The following SEC23IP variants were observed in gnomAD, a reference collection of about 807,000 sequenced individuals.
SEC23IP encodes the protein SEC23 interacting protein.
A neutral mutation model predicts 113.4 loss-of-function variants in SEC23IP; 70 were observed. The observed-to-expected ratio is 0.62, with a 90% CI of 0.51 to 0.75. The LOEUF (loss-of-function observed/expected upper bound fraction) is 0.75. SEC23IP is among the 30% of genes least tolerant of loss of function. SEC23IP has a pLI of 0.00. For synonymous variants in SEC23IP, 398 were observed against 421.0 expected (o/e 0.95, Z 0.67); for missense variants, 1,160 against 1,204.9 (o/e 0.96, Z 0.55).
At chr10:119,902,280 C>T (rs531937055) in intron 2 of SEC23IP, among the ~76,000 whole-genome samples, 8 of 152,214 alleles carry the variant, frequency 5.3e-5, no homozygotes, top group South Asian at 2.1e-4. Flanking sequence ...CGCTTGAACT[C>T]GGGAGACGGA....
At chr10:119,893,497 T>C (rs529187294) in intron 1 of SEC23IP, among the ~76,000 whole-genome samples, 2 of 150,916 alleles carry the variant, frequency 1.3e-5, no homozygotes, top group East Asian at 2.0e-4. Flanking sequence ...AGTAGACATA[T>C]ACAATGCATT....
intron 13 of SEC23IP, among the ~76,000 whole-genome samples, chr10:119,927,532 A>G (rs1166105055): frequency 2.0e-5 from 3 of 152,088 alleles, no homozygotes; most frequent in Non-Finnish European, 4.4e-5. Flanking sequence ...TCTATGTCAT[A>G]TTCTCCTTAT....
At chr10:119,910,091 C>T (rs952758068) in intron 5 of SEC23IP, among the ~76,000 whole-genome samples, 3 of 152,066 alleles carry the variant, frequency 2.0e-5, no homozygotes, top group East Asian at 3.9e-4. Context: ...GCTCTGCCAC[C>T]GTGGTGTGAA....
intron 1 of SEC23IP, among the ~76,000 whole-genome samples, chr10:119,895,035 C>A (rs1191646432): frequency 6.6e-6 from 1 of 151,928 alleles, no homozygotes; most frequent in Non-Finnish European, 1.5e-5. Context: ...TCCCTGGAAG[C>A]AACAGTTAAT....
chr10:119,939,461 A>G (rs1855894953), intron 18 of SEC23IP, among the ~76,000 whole-genome samples: 1 of 152,162 alleles, frequency 6.6e-6, no homozygotes, highest in Non-Finnish European at 1.5e-5. Context: ...GCGGATCACA[A>G]GGTCAGGAGT....
At chr10:119,919,818 A>AAT (rs1855187991) in intron 11 of SEC23IP, among the ~76,000 whole-genome samples, 1 of 152,236 alleles carries the variant, frequency 6.6e-6, no homozygotes, top group Non-Finnish European at 1.5e-5. Context: ...ATTGTATAAC[A>AAT]GTAGACACCA....
intron 18 of SEC23IP, among the ~76,000 whole-genome samples, chr10:119,936,378 G>A (rs771831312): frequency 5.3e-5 from 8 of 151,898 alleles, no homozygotes; most frequent in Non-Finnish European, 8.8e-5. Flanking sequence ...CCAACATAGT[G>A]AAACCCCGTC....
At chr10:119,904,371 CT>C in intron 4 of SEC23IP, 94 bp downstream of exon 4, 2 of 1,070,516 alleles carry the variant, frequency 1.9e-6, no homozygotes, top group Non-Finnish European at 2.8e-6. Context: ...GCGGACTTTA[CT>C]TACAAGACAG....
At chr10:119,936,374 T>C (rs1855780797) in intron 18 of SEC23IP, among the ~76,000 whole-genome samples, 1 of 151,772 alleles carries the variant, frequency 6.6e-6, no homozygotes, top group Non-Finnish European at 1.5e-5. Flanking sequence ...CTGGCCAACA[T>C]AGTGAAACCC....
intron 18 of SEC23IP, among the ~76,000 whole-genome samples, chr10:119,936,527 G>A (rs575091578): frequency 9.8e-5 from 12 of 121,922 alleles, no homozygotes; most frequent in Admixed American, 3.1e-4. Flanking sequence ...CTGGGCAACA[G>A]CATGCGATTC....
intron 12 of SEC23IP, among the ~76,000 whole-genome samples, chr10:119,923,762 T>C (rs144973930): frequency 0.01 from 1,571 of 152,312 alleles, 13 homozygotes; most frequent in Middle Eastern, 0.014. Flanking sequence ...TTGGTCAGGC[T>C]GGTCTCAATC....
intron 8 of SEC23IP, among the ~76,000 whole-genome samples, chr10:119,917,536 A>G (rs1855092781): frequency 6.6e-6 from 1 of 151,812 alleles, no homozygotes; most frequent in Admixed American, 6.6e-5. Context: ...ACACCACCAC[A>G]CTCGGCTAAT....
At position 119,932,205 on chromosome 10, in the gene SEC23IP, G is replaced by C. The variant is rs1855628950; in HGVS notation, c.2645G>C (p.Trp882Ser). The C allele has an allele frequency of 1.2e-6, 2 of 1,613,128 alleles. No individual in the cohort carries two copies. The highest frequency in any genetic ancestry group is 1.7e-6 in the Non-Finnish European group (2 of 1,179,138). Residue 882 changes from tryptophan to serine, a missense_variant, in exon 16 of 19, where the codon TGG becomes TCG. Transcript: ENST00000369075. ...QGFISSLKSA[W>S]QTLNEFARAH... is the part of the protein sequence containing the mutation. Reference sequence around the variant, plus strand: ...TTTATTAGCTCTCTCAAAAGTGCTTGGCAGACATTAAATGAGTTTGCCCGT... The same window carrying C: ...TTTATTAGCTCTCTCAAAAGTGCTTCGCAGACATTAAATGAGTTTGCCCGT...
intron 4 of SEC23IP, among the ~76,000 whole-genome samples, chr10:119,906,497 G>A (rs1854670987): frequency 6.6e-6 from 1 of 150,456 alleles, no homozygotes; most frequent in Non-Finnish European, 1.5e-5. Context: ...AGACCATTTC[G>A]ACAATGAAAT....
intron 4 of SEC23IP, among the ~76,000 whole-genome samples, chr10:119,906,240 T>G (rs1276388542): frequency 6.9e-6 from 1 of 145,658 alleles, no homozygotes. Flanking sequence ...TGTGATCGTG[T>G]CACAGCACTT....
chr10:119,901,042 A>AAAT (rs1267611987), intron 2 of SEC23IP, among the ~76,000 whole-genome samples: 7 of 45,310 alleles, frequency 1.5e-4, no homozygotes, highest in African/African-American at 8.2e-4. Context: ...TTTTTTAAAG[A>AAAT]GTGGGGGGGG....
rs1007766787 is a variant in SEC23IP at position 119,898,998 on chromosome 10, G to C, written c.696+39G>C. ...ATTTTGTGTCCTACTTATTCACTCTGTGTCTTCTTTCTCACCTGAACCTAT... is the reference window on the plus strand; with the variant it reads ...ATTTTGTGTCCTACTTATTCACTCTCTGTCTTCTTTCTCACCTGAACCTAT... On this transcript the variant is annotated intron_variant, in intron 2 of 18. Coordinates refer to ENST00000369075, the MANE Select transcript of SEC23IP (RefSeq NM_007190.4). 2.1e-6 allele frequency: 3 copies of C among 1,457,342 alleles called. No individual in the cohort carries two copies. The African/African-American group carries it at 4.2e-5, about 21-fold the overall frequency. The allele number at this position is 1,457,342 out of a possible 1,614,324, so 90.3% of individuals were successfully genotyped here.
intron 5 of SEC23IP, among the ~76,000 whole-genome samples, chr10:119,909,470 C>T (rs193098851): frequency 1.3e-5 from 2 of 152,236 alleles, no homozygotes; most frequent in African/African-American, 2.4e-5. Context: ...CCTGTAGTCC[C>T]AGCTACTCAA....
At chr10:119,910,551 T>C (rs185642952) in intron 5 of SEC23IP, among the ~76,000 whole-genome samples, 78 of 152,342 alleles carry the variant, frequency 5.1e-4, no homozygotes, top group African/African-American at 1.8e-3. Flanking sequence ...ATAGTCCTTA[T>C]TGATACTGAA....
Sources: gnomAD v4.1 joint callset for allele counts (sites outside exome capture counted in the v4.1 genomes callset) on GRCh38, gnomAD v4.1.1 for gene constraint, MANE v1.5 for transcripts, NCBI Gene and HGNC (gene_info 2026-07-23, HGNC 2026-07-21) for gene names.